The following KIF1A variants were observed in gnomAD, a reference collection of about 807,000 sequenced individuals.
The protein encoded by KIF1A is kinesin family member 1A.
KIF1A carries 46 observed loss-of-function variants against 227.3 expected under a neutral mutation model. The ratio of observed to expected loss-of-function variants is 0.20; its 90% CI spans 0.16 to 0.26. The LOEUF (loss-of-function observed/expected upper bound fraction) is 0.26, where lower values mean the gene tolerates loss of function less well. KIF1A is among the 10% of genes least tolerant of loss of function. The probability of loss-of-function intolerance (pLI) is 1.00; values close to 1 mark genes in which losing one functional copy is unlikely to be tolerated. For synonymous variants in KIF1A, 1,022 were observed against 1,012.8 expected, an observed-to-expected ratio of 1.01 and a Z score of -0.17; for missense variants, 1,683 against 2,485.9, an observed-to-expected ratio of 0.68 and a Z score of 6.87.
chr2:240,737,207 G>GTCCCACCTGCCCCCT, intron 37 of KIF1A, 39 bp from the exon 38 acceptor site: 4 of 1,557,018 alleles, frequency 2.6e-6, no homozygotes, highest in Non-Finnish European at 3.5e-6. Flanking sequence ...ACTTCCCAGG[G>GTCCCACCTGCCCCCT]GGCAGGTGGG....
chr2:240,757,502 C>A lies in KIF1A; in HGVS notation c.2675G>T (p.Ser892Ile). ...AGGCTCGGTGGCGTCGGAGTCGGGGCTCGAGAAGGTGGGGGAGGGGGTGAG... is the reference window on the plus strand; with the variant it reads ...AGGCTCGGTGGCGTCGGAGTCGGGGATCGAGAAGGTGGGGGAGGGGGTGAG... ...AALTPSPTFS[S>I]PDSDATEPAE... The change falls in exon 27 of 49, where the codon AGC (serine) becomes ATC (isoleucine). Residue 892 changes from serine (S) to isoleucine (I), a missense_variant. Physicochemically the swap from Ser to Ile is moderately radical, Grantham distance 142. Transcript: ENST00000498729. This position sits in a 1 kb window ranked among gnomAD's most constrained non-coding sequence, Gnocchi z 6.2. The A allele has an allele frequency of 6.4e-7, 1 of 1,550,432 alleles. No individual in the cohort carries two copies. Among genetic ancestry groups the A allele is most frequent in the South Asian group, 1.2e-5 (1 of 84,018 alleles).
chr2:240,723,437 C>T lies in KIF1A; in HGVS notation c.4440G>A (p.Leu1480=). ...DSLILDHQWE[L]EKLSLLQEVE... is the part of the protein sequence containing the mutation. The stretch of plus-strand genomic sequence containing the variant: ...CCTCCTGCAGGAGGCTCAGCTTCTC[C>T]AGCTCCCACTGGTGGTCCAGAATGA... Residue 1480 remains leucine (L), a synonymous_variant, in exon 42 of 49, where the codon CTG becomes CTA. Coordinates refer to ENST00000498729, the MANE Select transcript of KIF1A (RefSeq NM_001244008.2). 6.4e-7 allele frequency: 1 copy of T among 1,551,694 alleles called. No homozygotes were observed. Among genetic ancestry groups the T allele is most frequent in the Non-Finnish European group, 8.7e-7 (1 of 1,147,692 alleles).
chr2:240,802,306 ATAAC>A (rs1314008220), intron 1 of KIF1A, among the ~76,000 whole-genome samples: 2 of 152,244 alleles, frequency 1.3e-5, no homozygotes, highest in Non-Finnish European at 2.9e-5. Flanking sequence ...AAACTAATGT[ATAAC>A]TAACAAGTTA....
At chr2:240,718,269 A>T in intron 47 of KIF1A, 101 bp from the exon 48 acceptor site, 1 of 828,212 alleles carries the variant, frequency 1.2e-6, no homozygotes, top group South Asian at 1.4e-5. Context: ...GGGCACTGCC[A>T]GGAAAGTCCC....
Position 240,786,471 on chromosome 2 carries a change from G to A in KIF1A, c.472C>T (p.Leu158=). 2 of 1,613,592 alleles carry A rather than the reference G, an allele frequency of 1.2e-6. No individual in the cohort carries two copies. Among genetic ancestry groups the A allele is most frequent in the Non-Finnish European group, 8.5e-7 (1 of 1,179,764 alleles). ...AGGTTGCCCTTGTTCTTGGGGTTCA[G>A]GAGGTCACGGACGCGCTCACAGTAA... ...EIYCERVRDL[L]NPKNKGNLRV... The change falls in exon 6 of 49, where the codon CTG becomes TTG. Residue 158 remains leucine, a synonymous_variant. Transcript: ENST00000498729.
At chr2:240,749,983 C>T (rs1224422223) in intron 28 of KIF1A, among the ~76,000 whole-genome samples, 2 of 152,198 alleles carry the variant, frequency 1.3e-5, no homozygotes, top group African/African-American at 2.4e-5. Context: ...CAGAGACAGC[C>T]GGGTGGGTGG....
In KIF1A at chr2:240,792,155, C is replaced by T. The variant is rs1056190789; in HGVS notation, c.107-2843G>A. On this transcript the variant is annotated intron_variant, in intron 2 of 48. Transcript: ENST00000498729. This position sits in a 1 kb window ranked among gnomAD's most constrained non-coding sequence, Gnocchi z 4.5. ...CAGCCAGACTAGAAGCCAGGGTCCC[C>T]GCAACACCTCCCAGCCCTGAGGTCC... Among the ~76,000 whole-genome samples, 5 of 152,172 alleles carry T rather than the reference C, an allele frequency of 3.3e-5. No homozygotes were observed. Among genetic ancestry groups the T allele is most frequent in the African/African-American group, 7.2e-5 (3 of 41,436 alleles).
chr2:240,778,562 C>T lies in KIF1A; in HGVS notation c.883-2636G>A, dbSNP rs556730990. 2.4e-5 allele frequency among the ~76,000 whole-genome samples: 3 copies of T among 127,018 alleles called. No individual in the cohort carries two copies. Among genetic ancestry groups the T allele is most frequent in the African/African-American group, 1.0e-4 (3 of 29,912 alleles). 83.3% of individuals were successfully genotyped at this position (127,018 alleles called of 152,430 possible). ...CACACACAGGCTTCTCAGTGTCCCA[C>T]GGGCCTCACAGCAGCCACGCAGCTC... On this transcript the variant is annotated intron_variant, in intron 10 of 48. Transcript: ENST00000498729. The surrounding 1 kb of genome is among the most constrained non-coding windows in gnomAD (Gnocchi z 7.2).
At chr2:240,732,231 A>G (rs1171534674) in intron 38 of KIF1A, among the ~76,000 whole-genome samples, 4 of 91,482 alleles carry the variant, frequency 4.4e-5, no homozygotes, top group African/African-American at 1.3e-4. Context: ...GGGATGAGGC[A>G]TGAGGGGAAG....
rs978587094 is a variant in KIF1A, at chr2:240,769,214, G to A, written c.1422-6C>T. 6.2e-7 allele frequency: 1 copy of A among 1,606,100 alleles called. No individual in the cohort carries two copies. The highest frequency in any genetic ancestry group is 8.5e-7 in the Non-Finnish European group (1 of 1,176,774). ...TCTCGGCCAGCAGGGCTTCCCTGGG[G>A]GAACAGAGCTGAGGTCAGCACAAGC... On this transcript the variant is annotated splice_region_variant and splice_polypyrimidine_tract_variant and intron_variant, in intron 16 of 48. Coordinates refer to ENST00000498729, the MANE Select transcript of KIF1A (RefSeq NM_001244008.2).
At chr2:240,749,293 G>A (rs982467608) in intron 28 of KIF1A, among the ~76,000 whole-genome samples, 1 of 152,174 alleles carries the variant, frequency 6.6e-6, no homozygotes, top group African/African-American at 2.4e-5. Flanking sequence ...GTAACTCAGG[G>A]TGGAGAATAT....
chr2:240,801,226 C>G lies in KIF1A; in HGVS notation c.-60-3414G>C, dbSNP rs549761157. 4.0e-5 allele frequency among the ~76,000 whole-genome samples: 6 copies of G among 151,724 alleles called. No individual in the cohort carries two copies. In the East Asian group the frequency reaches 1.2e-3, roughly 29 times the overall value. On this transcript the variant is annotated intron_variant, in intron 1 of 48. Coordinates refer to ENST00000498729, the MANE Select transcript of KIF1A (RefSeq NM_001244008.2). ...ATTAAACAAGGACTTTAGAACAACCCTGACAAATATATTCAAAATAAGAGC... is the reference window on the plus strand; with the variant it reads ...ATTAAACAAGGACTTTAGAACAACCGTGACAAATATATTCAAAATAAGAGC...
rs2055179473 is a variant in KIF1A, at chr2:240,788,081, C to G, written c.333G>C (p.Gln111His). 1 of 1,588,122 alleles carries G rather than the reference C, an allele frequency of 6.3e-7. No individual in the cohort carries two copies. The highest frequency in any genetic ancestry group is 1.3e-5 in the African/African-American group (1 of 74,324). ...AGKSYTMMGK[Q>H]EKDQQGIIPQ... ...GGATGATGCCCTGCTGGTCCTTCTC[C>G]TGCTTGCCCATCATGGTGTAGGACT... Residue 111 changes from glutamine to histidine, a missense_variant, in exon 4 of 49, where the codon CAG becomes CAC. By Grantham distance (24) the Gln-to-His change is conservative. Transcript: ENST00000498729. The surrounding 1 kb of genome is among the most constrained non-coding windows in gnomAD (Gnocchi z 6.6).
intron 1 of KIF1A, among the ~76,000 whole-genome samples, chr2:240,807,238 C>G (rs940047389): frequency 6.6e-6 from 1 of 151,858 alleles, no homozygotes; most frequent in Non-Finnish European, 1.5e-5. Flanking sequence ...CTCTGCCTCC[C>G]GGGTTCAAGC....
At chr2:240,751,824 GTC>G (rs1173624611) in intron 27 of KIF1A, among the ~76,000 whole-genome samples, 4 of 152,060 alleles carry the variant, frequency 2.6e-5, no homozygotes, top group South Asian at 4.2e-4. Flanking sequence ...TGCCCCGGGT[GTC>G]TCTGTTTCCA....
intron 32 of KIF1A, among the ~76,000 whole-genome samples, chr2:240,745,161 T>C (rs1229834096): frequency 6.6e-6 from 1 of 152,132 alleles, no homozygotes; most frequent in African/African-American, 2.4e-5. Flanking sequence ...CCACTGCACC[T>C]GCATCCGGCT....
rs184003078 is a variant in KIF1A at position 240,776,022 on chromosome 2, G to A, written c.883-96C>T. The A allele has an allele frequency of 2.3e-3, 1,959 of 842,106 alleles. 29 individuals carry two copies. The African/African-American group carries it at 0.03, about 13-fold the overall frequency. 52.2% of individuals were successfully genotyped at this position (842,106 alleles called of 1,614,324 possible). ...AGGCCCTGCCAAGTGGGTCCTCAAAGCTGGAGGCTGGGCAAGGGGCGGGGC... is the reference window on the plus strand; with the variant it reads ...AGGCCCTGCCAAGTGGGTCCTCAAAACTGGAGGCTGGGCAAGGGGCGGGGC... On this transcript the variant is annotated intron_variant, in intron 10 of 48. Coordinates refer to ENST00000498729, the MANE Select transcript of KIF1A (RefSeq NM_001244008.2).
In KIF1A at chr2:240,792,895, C is replaced by T. The variant is rs1194189863; in HGVS notation, c.107-3583G>A. 6.6e-6 allele frequency among the ~76,000 whole-genome samples: 1 copy of T among 152,184 alleles called. No individual in the cohort carries two copies. The highest frequency in any genetic ancestry group is 2.4e-5 in the African/African-American group (1 of 41,442). The stretch of plus-strand genomic sequence containing the variant: ...CAGCAGCTGCAGGCTGGGAAGACAG[C>T]CCTCCCACGATCTAGACCTGTGGGC... On this transcript the variant is annotated intron_variant, in intron 2 of 48. Coordinates refer to ENST00000498729, the MANE Select transcript of KIF1A (RefSeq NM_001244008.2). This position sits in a 1 kb window ranked among gnomAD's most constrained non-coding sequence, Gnocchi z 4.5.
intron 28 of KIF1A, chr2:240,748,682 G>A (rs749669329): frequency 6.6e-5 from 22 of 331,760 alleles, no homozygotes; most frequent in Non-Finnish European, 1.3e-4. Flanking sequence ...CAGCAGGGCT[G>A]GGGCCCTTCC....
Sources: allele counts gnomAD v4.1 joint callset (sites outside exome capture counted in the v4.1 genomes callset), GRCh38; gene constraint gnomAD v4.1.1; non-coding constraint Gnocchi (gnomAD v3.1); transcripts MANE v1.5; gene names NCBI Gene and HGNC (gene_info 2026-07-23, HGNC 2026-07-21).